The following ATP1B4 variants were observed in gnomAD, a reference collection of about 807,000 sequenced individuals.
ATP1B4 encodes the protein ATPase Na+/K+ transporting family member beta 4.
A neutral mutation model predicts 29.6 loss-of-function variants in ATP1B4; 32 were observed. That is an observed-to-expected ratio of 1.08 (90% CI 0.82 to 1.45). The LOEUF is 1.45. Among genes scored for constraint, ATP1B4 ranks in the 40% most tolerant of loss-of-function variants. The probability of loss-of-function intolerance (pLI) is 0.00; values close to 1 mark genes in which losing one functional copy is unlikely to be tolerated. For synonymous variants in ATP1B4, 127 were observed against 102.1 expected, an observed-to-expected ratio of 1.24 and a Z score of -1.47; for missense variants, 323 against 276.2, an observed-to-expected ratio of 1.17 and a Z score of -1.20.
In ATP1B4 at chrX:120,376,418, G is replaced by C. The variant is rs1481192518; in HGVS notation, c.798G>C (p.Lys266Asn). 8.3e-7 allele frequency: 1 copy of C among 1,210,132 alleles called. No individual in the cohort carries two copies. The highest frequency in any genetic ancestry group is 1.1e-6 in the Non-Finnish European group (1 of 894,203). The change falls in exon 6 of 8, where the codon AAG (lysine) becomes AAC (asparagine). Residue 266 changes from lysine to asparagine, a missense_variant. Lys to Asn is a moderately conservative substitution (Grantham distance 94). Coordinates refer to ENST00000218008, the MANE Select transcript of ATP1B4 (RefSeq NM_001142447.3). The stretch of plus-strand genomic sequence containing the variant: ...GTCCTGAGCTTGGAGATCCTGTGAA[G>C]GTTTCCTGCAAAGTTCAGGTAAAGA... ...GFRPELGDPV[K>N]VSCKVQRGDE...
intron 4 of ATP1B4, among the ~76,000 whole-genome samples, chrX:120,374,520 C>CAGGATATATAAGG (rs1336895938): frequency 1.6e-5 from 1 of 62,529 alleles, no homozygotes; most frequent in African/African-American, 6.6e-5. Context: ...TTATATATAC[C>CAGGATATATAAGG]ATATACCCTT....
At chrX:120,364,873 T>A (rs2058277670) in intron 1 of ATP1B4, among the ~76,000 whole-genome samples, 2 of 111,433 alleles carry the variant, frequency 1.8e-5, no homozygotes, top group Admixed American at 1.9e-4. Flanking sequence ...CATGCCACCA[T>A]GCCTGGTTAA....
At chrX:120,375,892 T>C (rs183648110) in intron 5 of ATP1B4, among the ~76,000 whole-genome samples, 23 of 110,654 alleles carry the variant, frequency 2.1e-4, no homozygotes, top group African/African-American at 6.9e-4. Context: ...TGCTTGAGCT[T>C]AGGAGTTCAA....
Position 120,379,669 on chromosome X carries a change from C to A in ATP1B4, c.*35C>A. 2.6e-6 allele frequency: 3 copies of A among 1,159,179 alleles called. No homozygotes were observed. Among genetic ancestry groups the A allele is most frequent in the Non-Finnish European group, 3.5e-6 (3 of 865,228 alleles). On this transcript the variant is annotated 3_prime_UTR_variant, in exon 8 of 8. Transcript: ENST00000218008. ...GGGGCCATTCTTACCAGTTCTGTTT[C>A]TGTTTTATCTCATGGTATCTCTGGT...
At position 120,362,364 on chromosome X, in the gene ATP1B4, G is replaced by A. The variant is rs1206067150; in HGVS notation, c.63+133G>A. The A allele has an allele frequency of 3.6e-5, 21 of 585,607 alleles. No individual in the cohort carries two copies. The Admixed American group carries it at 5.4e-4, about 15-fold the overall frequency. The allele number at this position is 585,607 out of a possible 1,213,427, so 48.3% of individuals were successfully genotyped here. The stretch of plus-strand genomic sequence containing the variant: ...GGCAGAAACAGCGAAGTTTAGGGGA[G>A]CCCAGGGTTTCAAAAAGGAGCAGTG... On this transcript the variant is annotated intron_variant, in intron 1 of 7. Transcript: ENST00000218008.
At chrX:120,365,863 G>A (rs746886806) in intron 1 of ATP1B4, among the ~76,000 whole-genome samples, 6 of 111,900 alleles carry the variant, frequency 5.4e-5, no homozygotes, top group Admixed American at 9.5e-5. Context: ...AAGGAAGCCC[G>A]GGGTTCCAGC....
intron 1 of ATP1B4, 56 bp downstream of exon 1, chrX:120,362,287 G>T (rs769979408): frequency 6.2e-5 from 67 of 1,077,320 alleles, no homozygotes; most frequent in Non-Finnish European, 8.3e-5. Context: ...TTTTAATGGG[G>T]TGGGTTGGGG....
intron 5 of ATP1B4, 147 bp downstream of exon 5, chrX:120,375,715 A>C: frequency 2.2e-6 from 1 of 450,119 alleles, no homozygotes; most frequent in Non-Finnish European, 3.6e-6. Context: ...TAACCAGATA[A>C]ACCTATCAAT....
chrX:120,378,880 A>T, intron 7 of ATP1B4, 107 bp downstream of exon 7: 2 of 668,756 alleles, frequency 3.0e-6, no homozygotes, highest in South Asian at 5.1e-5. Flanking sequence ...TAGAGGGGTA[A>T]ATAGCTGCTG....
intron 6 of ATP1B4, 121 bp downstream of exon 6, chrX:120,376,557 C>CTT (rs1569356174): frequency 3.5e-6 from 2 of 576,875 alleles, no homozygotes; most frequent in Non-Finnish European, 5.6e-6. Context: ...CTTTTCATAA[C>CTT]TACACCTCTC....
At chrX:120,372,928 C>T (rs2058321057) in intron 4 of ATP1B4, among the ~76,000 whole-genome samples, 1 of 112,089 alleles carries the variant, frequency 8.9e-6, no homozygotes, top group Admixed American at 9.5e-5. Context: ...ACAGTATCTT[C>T]TTTTGTTTCA....
chrX:120,366,492 C>G, intron 1 of ATP1B4, 33 bp from the exon 2 acceptor site: 1 of 1,164,842 alleles, frequency 8.6e-7, no homozygotes. Flanking sequence ...CATTTTTTTT[C>G]AAAAAGGGTA....
chrX:120,375,304 A>T (rs2058346893), intron 4 of ATP1B4, 68 bp from the exon 5 acceptor site: 1 of 977,643 alleles, frequency 1.0e-6, no homozygotes, highest in Non-Finnish European at 1.4e-6. Flanking sequence ...AGGGAGGACT[A>T]CTGAACGCAC....
chrX:120,379,409 T>C (rs772498842), intron 7 of ATP1B4, 64 bp from the exon 8 acceptor site: 4 of 1,048,488 alleles, frequency 3.8e-6, no homozygotes, highest in African/African-American at 1.9e-5. Flanking sequence ...CCTGCAGTGA[T>C]TATCTGATCA....
rs902872232 is a variant in ATP1B4, at chrX:120,369,381, A to T, written c.329-1334A>T. 4.5e-5 allele frequency among the ~76,000 whole-genome samples: 5 copies of T among 112,283 alleles called. No homozygotes were observed. In the Admixed American group the frequency reaches 4.7e-4, roughly 11 times the overall value. ...AAGGGTCAGTTCCATTTCCAGTCGG[A>T]TTACTATGGGTTTTTTTTCTCCCTT... On this transcript the variant is annotated intron_variant, in intron 2 of 7. Transcript: ENST00000218008.
intron 4 of ATP1B4, 109 bp from the exon 5 acceptor site, chrX:120,375,263 G>A: frequency 1.4e-6 from 1 of 706,678 alleles, no homozygotes; most frequent in Non-Finnish European, 2.1e-6. Flanking sequence ...TTTCAGAGGA[G>A]TACAAACAAG....
chrX:120,375,744 C>T (rs998945533), intron 5 of ATP1B4, among the ~76,000 whole-genome samples, 176 bp downstream of exon 5: 4 of 109,442 alleles, frequency 3.7e-5, no homozygotes, highest in Non-Finnish European at 5.7e-5. Flanking sequence ...CCCCGCCCAC[C>T]GAGCACTTCC....
At chrX:120,365,543 C>T (rs1021974424) in intron 1 of ATP1B4, among the ~76,000 whole-genome samples, 1 of 112,338 alleles carries the variant, frequency 8.9e-6, no homozygotes, top group Non-Finnish European at 1.9e-5. Context: ...TGCACAGCCC[C>T]GCAACTCTTC....
rs1388132666 is a variant in ATP1B4 at position 120,366,605 on chromosome X, G to A, written c.144G>A (p.Val48=). 6 of 1,200,038 alleles carry A rather than the reference G, an allele frequency of 5.0e-6. No individual in the cohort carries two copies. Among genetic ancestry groups the A allele is most frequent in the East Asian group, 5.9e-5 (2 of 33,688 alleles). Residue 48 remains valine, a synonymous_variant, in exon 2 of 8, where the codon GTG becomes GTA. Coordinates refer to ENST00000218008, the MANE Select transcript of ATP1B4 (RefSeq NM_001142447.3). ...EAEEEARVTV[V]PKSEEEEEEE... ...AAGAAGAGGCTCGGGTGACGGTGGTGCCCAAATCGGAGGAGGAGGAAGAAG... is the reference window on the plus strand; with the variant it reads ...AAGAAGAGGCTCGGGTGACGGTGGTACCCAAATCGGAGGAGGAGGAAGAAG...
Sources: allele counts gnomAD v4.1 joint callset (sites outside exome capture counted in the v4.1 genomes callset), GRCh38; gene constraint gnomAD v4.1.1; transcripts MANE v1.5; gene names NCBI Gene and HGNC (gene_info 2026-07-23, HGNC 2026-07-21).